The following AIG1 variants were observed in gnomAD, a reference collection of about 807,000 sequenced individuals.
AIG1 encodes androgen-induced gene 1 protein.
AIG1 carries 23 observed loss-of-function variants against 31.4 expected under a neutral mutation model. That is an observed-to-expected ratio of 0.73 (90% CI 0.53 to 1.04). The LOEUF (loss-of-function observed/expected upper bound fraction) is 1.04. Among genes scored for constraint, AIG1 ranks in the 50% least tolerant of loss-of-function variants. The pLI is 0.00. For synonymous variants in AIG1, 100 were observed against 110.5 expected, an observed-to-expected ratio of 0.90 and a Z score of 0.60; for missense variants, 274 against 295.0, an observed-to-expected ratio of 0.93 and a Z score of 0.52.
chr6:143,162,658 G>A (rs534487262), intron 2 of AIG1, among the ~76,000 whole-genome samples: 9 of 152,320 alleles, frequency 5.9e-5, no homozygotes, highest in South Asian at 4.1e-4. Context: ...CAAGACTGAA[G>A]TGGCTTGGTG....
intron 3 of AIG1, among the ~76,000 whole-genome samples, chr6:143,246,614 A>C (rs1364963619): frequency 1.3e-5 from 2 of 152,224 alleles, no homozygotes; most frequent in South Asian, 2.1e-4. Context: ...TCACCACAGA[A>C]ATTTGCATTG....
intron 1 of AIG1, among the ~76,000 whole-genome samples, chr6:143,067,713 A>G (rs944276796): frequency 6.6e-6 from 1 of 152,214 alleles, no homozygotes; most frequent in Non-Finnish European, 1.5e-5. Context: ...TTATGTAACT[A>G]TGGTACTTAG....
intron 3 of AIG1, among the ~76,000 whole-genome samples, chr6:143,186,363 C>A (rs537398419): frequency 6.6e-6 from 1 of 152,330 alleles, no homozygotes; most frequent in East Asian, 1.9e-4. Context: ...TATCCAGGAA[C>A]TGAGCTTACA....
Position 143,326,642 on chromosome 6 carries a change from T to C in AIG1, c.516-6640T>C, listed in dbSNP as rs1776636631. ...AGAGCCCTAGTTCTATAAGAACTTA[T>C]AAAAATCTGTCCTAATCTGATGGAT... On this transcript the variant is annotated intron_variant, in intron 4 of 5. Coordinates refer to ENST00000357847, the MANE Select transcript of AIG1 (RefSeq NM_016108.4). The surrounding 1 kb of genome is among the most constrained non-coding windows in gnomAD (Gnocchi z 4.5). Among the ~76,000 whole-genome samples, 1 of 152,206 alleles carries C rather than the reference T, an allele frequency of 6.6e-6. No homozygotes were observed. The highest frequency in any genetic ancestry group is 1.5e-5 in the Non-Finnish European group (1 of 68,032).
At position 143,335,902 on chromosome 6, in the gene AIG1, C is replaced by T. The variant is rs539296462; in HGVS notation, c.679+2457C>T. On this transcript the variant is annotated intron_variant, in intron 5 of 5. Transcript: ENST00000357847. ...GGCAGAGGTTGCAGTGAGCCAAGAT[C>T]GTGCCACCACACTCCATCCTGAGCC... Among the ~76,000 whole-genome samples, 6 of 148,076 alleles carry T rather than the reference C, an allele frequency of 4.1e-5. No homozygotes were observed. In the South Asian group the frequency reaches 1.3e-3, roughly 31 times the overall value.
intron 3 of AIG1, among the ~76,000 whole-genome samples, chr6:143,216,459 A>G (rs1562497583): frequency 6.6e-6 from 1 of 152,276 alleles, no homozygotes; most frequent in East Asian, 1.9e-4. Context: ...TTATATGACA[A>G]AACTTTCAGG....
rs374900302 is a variant in AIG1, at chr6:143,293,183, G to T, written c.515+8958G>T. Among the ~76,000 whole-genome samples, 64 of 152,070 alleles carry T rather than the reference G, an allele frequency of 4.2e-4. 2 individuals are homozygous for T. In the East Asian group the frequency reaches 0.012, roughly 28 times the overall value. On this transcript the variant is annotated intron_variant, in intron 4 of 5. Coordinates refer to ENST00000357847, the MANE Select transcript of AIG1 (RefSeq NM_016108.4). This position sits in a 1 kb window ranked among gnomAD's most constrained non-coding sequence, Gnocchi z 4.8. ...TGCCTGCAGAGACCCTAGGAGAAAG[G>T]CTCATTTTCTTTTTTTCTCTCTCTC...
At chr6:143,315,146 T>C (rs1775633131) in intron 4 of AIG1, among the ~76,000 whole-genome samples, 1 of 152,124 alleles carries the variant, frequency 6.6e-6, no homozygotes, top group Non-Finnish European at 1.5e-5. Context: ...AAAGTTGATA[T>C]ACTAAAGCAA....
rs192545576 is a variant in AIG1 at position 143,213,465 on chromosome 6, A to C, written c.399+48282A>C. On this transcript the variant is annotated intron_variant, in intron 3 of 5. Coordinates refer to ENST00000357847, the MANE Select transcript of AIG1 (RefSeq NM_016108.4). ...CAAACATGAAGGTTGGGAGAGGAGC[A>C]CAAGTGCACAAGTGTCTGGAAAGTT... Among the ~76,000 whole-genome samples the C allele has an allele frequency of 8.8e-4, 118 of 133,574 alleles. 1 individual carries two copies. The East Asian group carries it at 0.026, about 29-fold the overall frequency. The allele number at this position is 133,574 out of a possible 152,430, so 87.6% of individuals were successfully genotyped here. A position where few individuals can be genotyped will look rare whatever the true frequency, so the allele number is the denominator to read the frequency against.
At chr6:143,188,657 T>TAATA (rs930397349) in intron 3 of AIG1, 69 of 984,282 alleles carry the variant, frequency 7.0e-5, no homozygotes, top group Non-Finnish European at 7.4e-5. Flanking sequence ...TTTTAACAAA[T>TAATA]AATAAATAAA....
At chr6:143,249,049 TA>T (rs1339565855) in intron 3 of AIG1, among the ~76,000 whole-genome samples, 12 of 152,342 alleles carry the variant, frequency 7.9e-5, no homozygotes, top group African/African-American at 2.6e-4. Context: ...GTAAAGTATA[TA>T]ATTATATAGG....
At chr6:143,077,985 T>C (rs1034750480) in intron 1 of AIG1, among the ~76,000 whole-genome samples, 5 of 152,216 alleles carry the variant, frequency 3.3e-5, no homozygotes, top group African/African-American at 1.2e-4. Flanking sequence ...CTTCCAGGAC[T>C]CCATTGATAT....
intron 1 of AIG1, among the ~76,000 whole-genome samples, chr6:143,070,093 G>A (rs950667011): frequency 2.4e-4 from 36 of 152,148 alleles, no homozygotes; most frequent in African/African-American, 7.7e-4. Flanking sequence ...GTAAATCTTC[G>A]AAGCAGGTAG....
chr6:143,286,865 G>C (rs1797712807), intron 4 of AIG1, among the ~76,000 whole-genome samples: 1 of 151,710 alleles, frequency 6.6e-6, no homozygotes, highest in Non-Finnish European at 1.5e-5. Context: ...TCTCTTCCCA[G>C]GTTTGGGTAG....
chr6:143,112,852 T>C (rs1781408988), intron 1 of AIG1, among the ~76,000 whole-genome samples: 1 of 152,142 alleles, frequency 6.6e-6, no homozygotes, highest in Non-Finnish European at 1.5e-5. Flanking sequence ...TATTAACAAA[T>C]AGGACCCAAA....
At chr6:143,136,425 A>G (rs1238182237) in intron 1 of AIG1, among the ~76,000 whole-genome samples, 2 of 152,176 alleles carry the variant, frequency 1.3e-5, no homozygotes, top group Non-Finnish European at 2.9e-5. Flanking sequence ...CACTTCTTAG[A>G]TATTTGTTAA....
At chr6:143,110,480 A>G (rs1166202154) in intron 1 of AIG1, among the ~76,000 whole-genome samples, 1 of 152,164 alleles carries the variant, frequency 6.6e-6, no homozygotes, top group African/African-American at 2.4e-5. Flanking sequence ...TCACCTTGTC[A>G]GTAAAGTTTT....
At chr6:143,061,225 G>A in intron 1 of AIG1, 159 bp downstream of exon 1, 2 of 922,174 alleles carry the variant, frequency 2.2e-6, no homozygotes. Flanking sequence ...GATTGCGTGT[G>A]AAGGCCTGGC....
At chr6:143,109,281 C>T (rs1781069503) in intron 1 of AIG1, among the ~76,000 whole-genome samples, 1 of 152,162 alleles carries the variant, frequency 6.6e-6, no homozygotes, top group South Asian at 2.1e-4. Context: ...ATTGCTGATG[C>T]ATTTCTGTGT....
Sources: allele counts gnomAD v4.1 joint callset (sites outside exome capture counted in the v4.1 genomes callset), GRCh38; gene constraint gnomAD v4.1.1; non-coding constraint Gnocchi (gnomAD v3.1); transcripts MANE v1.5; gene names NCBI Gene and HGNC (gene_info 2026-07-23, HGNC 2026-07-21).